CATSPERB: variants seen among roughly 807,000 people sequenced by gnomAD.
The protein encoded by CATSPERB is cation channel sperm-associated auxiliary subunit beta.
Under a neutral mutation model 128.3 loss-of-function variants are expected in CATSPERB, and 93 were observed. The observed-to-expected ratio is 0.72, with a 90% CI of 0.61 to 0.86. The LOEUF is 0.86. Ranked by LOEUF, CATSPERB falls within the 40% of genes least tolerant of loss-of-function variation. The pLI, the probability that CATSPERB is intolerant of heterozygous loss-of-function variation, is 0.00. For missense variants in CATSPERB, 1,153 were observed against 1,329.5 expected (o/e 0.87, Z 2.06); for synonymous variants, 381 against 448.8 (o/e 0.85, Z 1.91).
At chr14:91,702,503 T>C (rs534264149) in intron 7 of CATSPERB, among the ~76,000 whole-genome samples, 36 of 152,052 alleles carry the variant, frequency 2.4e-4, no homozygotes, top group African/African-American at 8.7e-4. Flanking sequence ...TCTATCCCTA[T>C]ACTGATGCAT....
At chr14:91,678,131 G>C (rs533138946) in intron 11 of CATSPERB, among the ~76,000 whole-genome samples, 29 of 152,206 alleles carry the variant, frequency 1.9e-4, no homozygotes, top group African/African-American at 7.0e-4. Flanking sequence ...AATGCATGTG[G>C]GGCTTAAAAC....
At chr14:91,728,386 A>T (rs577574473) in intron 2 of CATSPERB, among the ~76,000 whole-genome samples, 4 of 152,268 alleles carry the variant, frequency 2.6e-5, no homozygotes, top group African/African-American at 9.6e-5. Context: ...AAGTGCTGGG[A>T]TTACAGGTGT....
chr14:91,674,870 C>A (rs1473057175), intron 11 of CATSPERB, among the ~76,000 whole-genome samples: 1 of 152,216 alleles, frequency 6.6e-6, no homozygotes, highest in East Asian at 1.9e-4. Context: ...ACAGGACACA[C>A]AGACCTTGCA....
chr14:91,683,802 A>AT, intron 11 of CATSPERB, 75 bp downstream of exon 11: 1 of 950,188 alleles, frequency 1.1e-6, no homozygotes, highest in Non-Finnish European at 1.6e-6. Context: ...AGACCATTCC[A>AT]AAGGCTGAGC....
chr14:91,685,359 G>A (rs1895355135), intron 10 of CATSPERB, among the ~76,000 whole-genome samples: 1 of 152,118 alleles, frequency 6.6e-6, no homozygotes, highest in Non-Finnish European at 1.5e-5. Context: ...AGAAATTGAG[G>A]TCCAGAGAGT....
At position 91,655,846 on chromosome 14, in the gene CATSPERB, A is replaced by G. The variant is rs149039782; in HGVS notation, c.1432+3991T>C. Among the ~76,000 whole-genome samples the G allele has an allele frequency of 8.9e-3, 1,360 of 152,272 alleles. 16 individuals carry two copies. Among genetic ancestry groups the G allele is most frequent in the Middle Eastern group, 0.044 (13 of 294 alleles). ...ATCAATATCCAAGCACAAGAAGGTAACAGAACACCAAACAGATTTCAGCCA... is the reference window on the plus strand; with the variant it reads ...ATCAATATCCAAGCACAAGAAGGTAGCAGAACACCAAACAGATTTCAGCCA... On this transcript the variant is annotated intron_variant, in intron 15 of 26. Transcript: ENST00000256343.
At position 91,589,736 on chromosome 14, in the gene CATSPERB, A is replaced by C; in HGVS notation, c.2821-67T>G. 2.7e-6 allele frequency: 4 copies of C among 1,486,018 alleles called. No individual in the cohort carries two copies. In the Admixed American group the frequency reaches 7.6e-5, roughly 28 times the overall value. 92.1% of individuals were successfully genotyped at this position (1,486,018 alleles called of 1,614,324 possible). ...TCAATAGTCACTTCATTTCCTGGTA[A>C]AAAACGAAAAGATATATTGCCAATA... On this transcript the variant is annotated intron_variant, in intron 23 of 26. Transcript: ENST00000256343.
intron 2 of CATSPERB, 61 bp from the exon 3 acceptor site, chr14:91,725,229 C>A: frequency 1.5e-6 from 1 of 678,442 alleles, no homozygotes; most frequent in Non-Finnish European, 2.2e-6. Context: ...ATAAAAAGTA[C>A]CATGTTTCTA....
intron 15 of CATSPERB, among the ~76,000 whole-genome samples, chr14:91,656,153 A>G (rs1011755510): frequency 3.3e-5 from 5 of 152,308 alleles, no homozygotes; most frequent in Admixed American, 2.6e-4. Context: ...GATTTCATCA[A>G]CACCAGACCT....
intron 22 of CATSPERB, chr14:91,605,244 G>C: frequency 6.7e-7 from 1 of 1,495,928 alleles, no homozygotes; most frequent in Non-Finnish European, 9.3e-7. Context: ...CAAATCACAG[G>C]TGTAAGTGAA....
intron 15 of CATSPERB, among the ~76,000 whole-genome samples, chr14:91,647,169 G>A (rs528522690): frequency 1.1e-3 from 165 of 152,292 alleles, no homozygotes; most frequent in African/African-American, 3.8e-3. Context: ...TCTCAGACAG[G>A]TTTTTTTCTC....
intron 5 of CATSPERB, chr14:91,709,338 G>A (rs772890327): frequency 6.6e-6 from 1 of 151,838 alleles, no homozygotes; most frequent in Non-Finnish European, 1.5e-5. Flanking sequence ...GGCCTTCAAT[G>A]GGATTGGTTC....
chr14:91,604,435 G>A (rs1235517454), intron 22 of CATSPERB: 2 of 1,376,870 alleles, frequency 1.5e-6, no homozygotes, highest in Non-Finnish European at 2.0e-6. Flanking sequence ...TCGTGGAGTA[G>A]TTTAGGAATA....
intron 22 of CATSPERB, among the ~76,000 whole-genome samples, chr14:91,606,133 G>A (rs917423227): frequency 1.7e-4 from 26 of 151,986 alleles, no homozygotes; most frequent in African/African-American, 4.6e-4. Context: ...CCAAGATCGC[G>A]CCACTGTACT....
At chr14:91,674,981 C>A (rs1895166627) in intron 11 of CATSPERB, among the ~76,000 whole-genome samples, 1 of 152,240 alleles carries the variant, frequency 6.6e-6, no homozygotes, top group Non-Finnish European at 1.5e-5. Context: ...GTGAGCCTGG[C>A]CACTCTCCCA....
intron 17 of CATSPERB, among the ~76,000 whole-genome samples, chr14:91,633,992 T>C (rs898437395): frequency 6.6e-6 from 1 of 152,102 alleles, no homozygotes; most frequent in Non-Finnish European, 1.5e-5. Flanking sequence ...AAAATTATAG[T>C]TGACCCTTGA....
rs181069450 is a variant in CATSPERB, at chr14:91,725,154, G to A, written c.94C>T (p.Arg32Cys). Residue 32 changes from arginine (R) to cysteine (C), a missense_variant, in exon 3 of 27, where the codon CGC (arginine) becomes TGC (cysteine). Coordinates refer to ENST00000256343, the MANE Select transcript of CATSPERB (RefSeq NM_024764.4). ...AACCCTTTGTTAGAACATGCAAAGC[G>A]TTTCTCTGTATCATCTAAATAATAA... ...IVYNKDDTEK[R>C]FACSNKGFPQ... 39 of 1,551,308 alleles carry A rather than the reference G, an allele frequency of 2.5e-5. 1 individual carries two copies. The Admixed American group carries it at 4.5e-4, about 18-fold the overall frequency.
intron 23 of CATSPERB, among the ~76,000 whole-genome samples, chr14:91,589,979 A>C (rs1168421734): frequency 6.6e-6 from 1 of 152,046 alleles, no homozygotes; most frequent in Non-Finnish European, 1.5e-5. Flanking sequence ...TAGATTGCTC[A>C]CCCTCCTTTT....
chr14:91,664,305 A>T (rs1743081), intron 14 of CATSPERB, among the ~76,000 whole-genome samples: 1 of 135,916 alleles, frequency 7.4e-6, no homozygotes, highest in Admixed American at 8.6e-5. Flanking sequence ...TCACTCAATC[A>T]CCCAGGCTGG....
Sources: gnomAD v4.1 joint callset for allele counts (sites outside exome capture counted in the v4.1 genomes callset) on GRCh38, gnomAD v4.1.1 for gene constraint, MANE v1.5 for transcripts, NCBI Gene and HGNC (gene_info 2026-07-23, HGNC 2026-07-21) for gene names.